Variants in ASIC2 observed in about 807,000 individuals in gnomAD.
The protein encoded by ASIC2 is acid sensing ion channel subunit 2, also known as acid-sensing ion channel 2.
Under a neutral mutation model 57.3 loss-of-function variants are expected in ASIC2, and 25 were observed. The ratio of observed to expected loss-of-function variants is 0.44; its 90% CI spans 0.32 to 0.61. The LOEUF is 0.61. ASIC2 is among the 20% of genes least tolerant of loss of function. ASIC2 has a pLI of 0.06. For synonymous variants in ASIC2, 319 were observed against 307.5 expected, an observed-to-expected ratio of 1.04 and a Z score of -0.39; for missense variants, 641 against 738.1, an observed-to-expected ratio of 0.87 and a Z score of 1.52.
At chr17:33,720,698 A>G (rs1344754965) in intron 1 of ASIC2, among the ~76,000 whole-genome samples, 1 of 152,208 alleles carries the variant, frequency 6.6e-6, no homozygotes, top group African/African-American at 2.4e-5. Flanking sequence ...CTCATTTGGG[A>G]TAACTTAGGT....
intron 1 of ASIC2, among the ~76,000 whole-genome samples, chr17:33,313,376 A>G (rs1353946543): frequency 2.0e-5 from 3 of 151,878 alleles, no homozygotes; most frequent in African/African-American, 7.3e-5. Context: ...AGCTCTGCAC[A>G]CTCTGGGAAG....
At chr17:33,825,348 A>G (rs1243494102) in intron 1 of ASIC2, among the ~76,000 whole-genome samples, 3 of 152,246 alleles carry the variant, frequency 2.0e-5, no homozygotes, top group African/African-American at 7.2e-5. Context: ...CTAAAAAGGC[A>G]GTGATCCTCT....
chr17:33,273,942 C>A (rs927182743), intron 1 of ASIC2, among the ~76,000 whole-genome samples: 2 of 152,194 alleles, frequency 1.3e-5, no homozygotes, highest in Non-Finnish European at 2.9e-5. Flanking sequence ...GCCTGGTCAT[C>A]ATTTTTATTC....
At chr17:33,846,763 C>T (rs1015893340) in intron 1 of ASIC2, among the ~76,000 whole-genome samples, 11 of 150,036 alleles carry the variant, frequency 7.3e-5, no homozygotes, top group South Asian at 4.2e-4. Flanking sequence ...CTTGCTCTGT[C>T]GCCCAGGCTG....
intron 3 of ASIC2, among the ~76,000 whole-genome samples, chr17:33,032,256 T>C (rs1438191261): frequency 1.3e-5 from 2 of 152,194 alleles, no homozygotes; most frequent in East Asian, 1.9e-4. Context: ...GTTTTCTCCA[T>C]TGAGTTTCAA....
intron 1 of ASIC2, among the ~76,000 whole-genome samples, chr17:34,095,914 A>G (rs1005627099): frequency 1.3e-5 from 2 of 151,874 alleles, no homozygotes; most frequent in Non-Finnish European, 2.9e-5. Context: ...TATTATTTCA[A>G]TCAACCCTGA....
intron 1 of ASIC2, among the ~76,000 whole-genome samples, chr17:33,978,303 A>G (rs1289465859): frequency 1.3e-5 from 2 of 152,196 alleles, no homozygotes; most frequent in Non-Finnish European, 2.9e-5. Context: ...ATGCCAGCCC[A>G]GGGCTACGTA....
intron 1 of ASIC2, among the ~76,000 whole-genome samples, chr17:33,987,952 CTT>C: frequency 6.6e-6 from 1 of 152,048 alleles, no homozygotes; most frequent in East Asian, 1.9e-4. Flanking sequence ...TGTTTAAGGT[CTT>C]TTGACAGCAT....
chr17:34,103,201 C>T (rs189545246), intron 1 of ASIC2, among the ~76,000 whole-genome samples: 3 of 152,100 alleles, frequency 2.0e-5, no homozygotes, highest in East Asian at 1.9e-4. Flanking sequence ...GTTGAAATGC[C>T]GTGGCACTAT....
chr17:33,144,870 C>T lies in ASIC2; in HGVS notation c.709-32803G>A, dbSNP rs1474418970. ...TCCTGAAGATACTATGGAAATCAGA[C>T]AAGTAGTGGATGAATCCGATCTGAG... On this transcript the variant is annotated intron_variant, in intron 1 of 9. Coordinates refer to ENST00000225823, the MANE Select transcript of ASIC2 (RefSeq NM_183377.2). Among the ~76,000 whole-genome samples the T allele has an allele frequency of 3.3e-5, 5 of 152,180 alleles. No individual in the cohort carries two copies. In the South Asian group the frequency reaches 8.3e-4, roughly 25 times the overall value.
At chr17:33,720,635 A>T (rs1909361016) in intron 1 of ASIC2, among the ~76,000 whole-genome samples, 1 of 152,224 alleles carries the variant, frequency 6.6e-6, no homozygotes, top group Non-Finnish European at 1.5e-5. Flanking sequence ...AAATGAATGG[A>T]CAGAGTTGTT....
intron 1 of ASIC2, among the ~76,000 whole-genome samples, chr17:34,116,720 G>C (rs1194468621): frequency 6.6e-6 from 1 of 152,136 alleles, no homozygotes; most frequent in South Asian, 2.1e-4. Context: ...ATTGTTGTTA[G>C]TATGTCTTAC....
intron 1 of ASIC2, among the ~76,000 whole-genome samples, chr17:33,298,341 T>C (rs1905808725): frequency 6.6e-6 from 1 of 152,074 alleles, no homozygotes; most frequent in Non-Finnish European, 1.5e-5. Flanking sequence ...AGTGAGAACA[T>C]GCGGTGTTTG....
At chr17:33,065,050 T>G (rs2092037337) in intron 3 of ASIC2, among the ~76,000 whole-genome samples, 1 of 151,982 alleles carries the variant, frequency 6.6e-6, no homozygotes, top group Non-Finnish European at 1.5e-5. Flanking sequence ...ATTCTCTTAT[T>G]GTCAGGTTCC....
At chr17:33,790,962 G>A (rs1911751731) in intron 1 of ASIC2, among the ~76,000 whole-genome samples, 1 of 152,174 alleles carries the variant, frequency 6.6e-6, no homozygotes, top group African/African-American at 2.4e-5. Context: ...GGCACAGAGA[G>A]GCTGAGCAAG....
chr17:33,358,589 T>C (rs978544608), intron 1 of ASIC2, among the ~76,000 whole-genome samples: 6 of 152,238 alleles, frequency 3.9e-5, no homozygotes, highest in Admixed American at 3.3e-4. Flanking sequence ...TTGGCAATTA[T>C]GCTTTTTCCA....
rs1264204173 is a variant in ASIC2, at chr17:33,652,182, T to C, written c.555+503796A>G. On this transcript the variant is annotated intron_variant, in intron 1 of 9. Coordinates refer to the ASIC2 transcript ENST00000359872. Reference sequence around the variant, plus strand: ...ACAATAGGATCAGGACCTAGGGATGTGAAGAGCAACAGAGGCTGCTCTCAG... The same window carrying C: ...ACAATAGGATCAGGACCTAGGGATGCGAAGAGCAACAGAGGCTGCTCTCAG... Among the ~76,000 whole-genome samples the C allele has an allele frequency of 2.0e-5, 3 of 152,168 alleles. No homozygotes were observed. The East Asian group carries it at 5.8e-4, about 29-fold the overall frequency.
intron 1 of ASIC2, among the ~76,000 whole-genome samples, chr17:33,558,772 C>T (rs1335153754): frequency 6.6e-6 from 1 of 151,996 alleles, no homozygotes; most frequent in African/African-American, 2.4e-5. Context: ...ATTTGTTGAC[C>T]CTGCCTGAGG....
intron 1 of ASIC2, among the ~76,000 whole-genome samples, chr17:34,034,459 G>T (rs1271798930): frequency 1.3e-5 from 2 of 152,132 alleles, no homozygotes; most frequent in Non-Finnish European, 2.9e-5. Context: ...CACAAGACAG[G>T]GATGCCCTCT....
Sources: allele counts gnomAD v4.1 joint callset (sites outside exome capture counted in the v4.1 genomes callset), GRCh38; gene constraint gnomAD v4.1.1; transcripts MANE v1.5; gene names NCBI Gene and HGNC (gene_info 2026-07-23, HGNC 2026-07-21).